The following MAN1A1 variants were observed in gnomAD, a reference collection of about 807,000 sequenced individuals.
MAN1A1 encodes mannosidase alpha class 1A member 1, also known as mannosyl-oligosaccharide 1,2-alpha-mannosidase IA.
MAN1A1 carries 29 observed loss-of-function variants against 70.8 expected under a neutral mutation model. That is an observed-to-expected ratio of 0.41 (90% CI 0.31 to 0.56). The LOEUF is 0.56. Among genes scored for constraint, MAN1A1 ranks in the 20% least tolerant of loss-of-function variants. The pLI, the probability that MAN1A1 is intolerant of heterozygous loss-of-function variation, is 0.29. For missense variants in MAN1A1, 747 were observed against 841.3 expected, an observed-to-expected ratio of 0.89 and a Z score of 1.39; for synonymous variants, 349 against 330.1, an observed-to-expected ratio of 1.06 and a Z score of -0.62.
At chr6:119,210,035 GTT>G (rs1367547552) in intron 6 of MAN1A1, among the ~76,000 whole-genome samples, 5 of 152,152 alleles carry the variant, frequency 3.3e-5, no homozygotes, top group African/African-American at 1.2e-4. Context: ...ATCACGGGTA[GTT>G]GTTTTAGACA....
intron 2 of MAN1A1, among the ~76,000 whole-genome samples, chr6:119,339,860 G>A (rs1443281330): frequency 6.6e-6 from 1 of 152,140 alleles, no homozygotes; most frequent in Non-Finnish European, 1.5e-5. Context: ...GGAGGCCAAG[G>A]TGGGTGGATC....
At chr6:119,225,503 G>C (rs1174778294) in intron 6 of MAN1A1, among the ~76,000 whole-genome samples, 2 of 152,152 alleles carry the variant, frequency 1.3e-5, no homozygotes, top group African/African-American at 4.8e-5. Context: ...TCCAGATTTT[G>C]TGAAAGCCAT....
chr6:119,331,570 C>CATATATATATATAT (rs10562938), intron 2 of MAN1A1, among the ~76,000 whole-genome samples: 3,244 of 117,552 alleles, frequency 0.028, 95 homozygotes, highest in Non-Finnish European at 0.04. Context: ...ACATATTATG[C>CATATATATATATAT]ATATATATAT....
At position 119,307,116 on chromosome 6, in the gene MAN1A1, A is replaced by ATAC. The variant is rs1230034225; in HGVS notation, c.604-125_604-124insGTA. ...TCATTAGTTAAAAGGATGACTAAGT[A>ATAC]AAAGAATTATGATTATATAAACCAG... On this transcript the variant is annotated intron_variant, in intron 2 of 12. Coordinates refer to ENST00000368468, the MANE Select transcript of MAN1A1 (RefSeq NM_005907.4). 1.2e-4 allele frequency: 77 copies of ATAC among 637,804 alleles called. No homozygotes were observed. The South Asian group carries it at 1.4e-3, about 12-fold the overall frequency. The allele number at this position is 637,804 out of a possible 1,614,324, so 39.5% of individuals were successfully genotyped here.
chr6:119,232,679 ATGTGTGTGTGTGTGTGTGTGTGTGTG>A (rs78960133), intron 6 of MAN1A1, among the ~76,000 whole-genome samples: 5 of 143,396 alleles, frequency 3.5e-5, no homozygotes, highest in African/African-American at 1.3e-4. Context: ...ACACATATAT[ATGTGTGTGTGTGTGTGTGTGTGTGTG>A]TGTGTGTGTG....
intron 2 of MAN1A1, among the ~76,000 whole-genome samples, chr6:119,341,127 T>C (rs1014455934): frequency 1.6e-4 from 25 of 152,240 alleles, no homozygotes; most frequent in Non-Finnish European, 3.5e-4. Context: ...GACTTTTAAA[T>C]GCTCTTAAGC....
At chr6:119,183,096 C>A (rs187180507) in intron 11 of MAN1A1, among the ~76,000 whole-genome samples, 7 of 152,206 alleles carry the variant, frequency 4.6e-5, no homozygotes, top group Non-Finnish European at 8.8e-5. Context: ...CAGCTCCCAT[C>A]TGCAGATACT....
chr6:119,252,815 T>G lies in MAN1A1; in HGVS notation c.898-4461A>C, dbSNP rs182785102. Among the ~76,000 whole-genome samples the G allele has an allele frequency of 1.8e-3, 278 of 151,982 alleles. 2 individuals carry two copies. The highest frequency in any genetic ancestry group is 6.5e-3 in the African/African-American group (269 of 41,470). ...TCAAAAAAAAATAAAAAAAATAAGT[T>G]TTGCAAAGGAGACGAGAGCCTTGAA... On this transcript the variant is annotated intron_variant, in intron 5 of 12. Coordinates refer to ENST00000368468, the MANE Select transcript of MAN1A1 (RefSeq NM_005907.4).
chr6:119,195,786 G>T (rs1047283342), intron 8 of MAN1A1, among the ~76,000 whole-genome samples: 1 of 152,166 alleles, frequency 6.6e-6, no homozygotes, highest in African/African-American at 2.4e-5. Context: ...AAGTAGTTAA[G>T]TATGTGATTT....
intron 5 of MAN1A1, among the ~76,000 whole-genome samples, chr6:119,285,610 T>G (rs1776349726): frequency 1.7e-5 from 1 of 58,830 alleles, no homozygotes; most frequent in African/African-American, 6.3e-5. Context: ...TTTCAATTCT[T>G]TTTTTTTTTT....
In MAN1A1 at chr6:119,225,724, G is replaced by A. The variant is rs144803417; in HGVS notation, c.993-20842C>T. ...CAGAAACAATGAACAGCCATAAGAC[G>A]CAAGAATGGCATCTTCAAAATTTGA... On this transcript the variant is annotated intron_variant, in intron 6 of 12. Coordinates refer to ENST00000368468, the MANE Select transcript of MAN1A1 (RefSeq NM_005907.4). 5.9e-5 allele frequency among the ~76,000 whole-genome samples: 9 copies of A among 152,208 alleles called. No individual in the cohort carries two copies. The South Asian group carries it at 1.5e-3, about 25-fold the overall frequency.
intron 6 of MAN1A1, among the ~76,000 whole-genome samples, chr6:119,227,525 C>G (rs772125667): frequency 2.0e-5 from 3 of 152,148 alleles, no homozygotes; most frequent in Admixed American, 2.0e-4. Context: ...ATTGCCCAAG[C>G]TAAGTGCAGT....
chr6:119,214,414 G>C (rs1383725711), intron 6 of MAN1A1, among the ~76,000 whole-genome samples: 1 of 152,088 alleles, frequency 6.6e-6, no homozygotes, highest in African/African-American at 2.4e-5. Context: ...TTTTCTAGAA[G>C]AAATATTCAA....
intron 5 of MAN1A1, among the ~76,000 whole-genome samples, chr6:119,269,971 A>C (rs978608699): frequency 6.6e-6 from 1 of 152,146 alleles, no homozygotes; most frequent in Non-Finnish European, 1.5e-5. Flanking sequence ...TGAACTTATC[A>C]ATTTAAACGT....
intron 7 of MAN1A1, among the ~76,000 whole-genome samples, chr6:119,203,351 G>C (rs9489620): frequency 0.43 from 65,015 of 151,476 alleles, 15,602 homozygotes; most frequent in Non-Finnish European, 0.55. Flanking sequence ...TCGGAACAGA[G>C]AGAGGAGCAA....
chr6:119,278,031 C>T (rs928031534), intron 5 of MAN1A1, among the ~76,000 whole-genome samples: 3 of 150,692 alleles, frequency 2.0e-5, no homozygotes, highest in African/African-American at 4.9e-5. Context: ...CATATATAGT[C>T]CCAGCTATTC....
chr6:119,284,474 G>A (rs1197838677), intron 5 of MAN1A1, among the ~76,000 whole-genome samples: 2 of 152,154 alleles, frequency 1.3e-5, no homozygotes, highest in Non-Finnish European at 2.9e-5. Flanking sequence ...CAATAAGGAC[G>A]CTGTTGAGAA....
intron 6 of MAN1A1, among the ~76,000 whole-genome samples, chr6:119,244,109 A>G (rs561688015): frequency 1.1e-3 from 167 of 152,212 alleles, no homozygotes; most frequent in African/African-American, 3.8e-3. Flanking sequence ...CACACTTTAA[A>G]AAACCCAAAA....
chr6:119,183,212 C>A (rs1174709880), intron 11 of MAN1A1, among the ~76,000 whole-genome samples: 2 of 152,140 alleles, frequency 1.3e-5, no homozygotes, highest in African/African-American at 4.8e-5. Flanking sequence ...GAAATTCTGG[C>A]CAGCAGGCCA....
Sources: gnomAD v4.1 joint callset for allele counts (sites outside exome capture counted in the v4.1 genomes callset) on GRCh38, gnomAD v4.1.1 for gene constraint, MANE v1.5 for transcripts, NCBI Gene and HGNC (gene_info 2026-07-23, HGNC 2026-07-21) for gene names.